Variants in PLEKHA6 observed in about 807,000 individuals in gnomAD.
PLEKHA6 encodes the protein pleckstrin homology domain containing A6, also known as pleckstrin homology domain-containing family A member 6.
In PLEKHA6, 60 loss-of-function variants were observed where a neutral mutation model predicts 116.7. The ratio of observed to expected loss-of-function variants is 0.51; its 90% CI spans 0.42 to 0.64. The LOEUF is 0.64. PLEKHA6 is among the 30% of genes least tolerant of loss of function. The pLI, the probability that PLEKHA6 is intolerant of heterozygous loss-of-function variation, is 0.00. For missense variants in PLEKHA6, 1,338 were observed against 1,422.7 expected, an observed-to-expected ratio of 0.94 and a Z score of 0.96; for synonymous variants, 489 against 556.1, an observed-to-expected ratio of 0.88 and a Z score of 1.70.
At chr1:204,242,080 T>C (rs114907664) in intron 15 of PLEKHA6, among the ~76,000 whole-genome samples, 2,747 of 152,278 alleles carry the variant, frequency 0.018, 89 homozygotes, top group African/African-American at 0.063. Flanking sequence ...ACCATTTGTC[T>C]TGGCTGGCAC....
chr1:204,280,667 C>T (rs936783433), intron 1 of PLEKHA6, among the ~76,000 whole-genome samples: 5 of 152,120 alleles, frequency 3.3e-5, no homozygotes, highest in South Asian at 2.1e-4. Context: ...AATTCCAAGC[C>T]GAGACTGTCC....
intron 1 of PLEKHA6, among the ~76,000 whole-genome samples, chr1:204,332,620 T>G (rs760553284): frequency 6.6e-6 from 1 of 152,186 alleles, no homozygotes; most frequent in Non-Finnish European, 1.5e-5. Context: ...GACCTCGTGA[T>G]CCACCCACTT....
chr1:204,229,144 A>G, intron 18 of PLEKHA6, 40 bp from the exon 19 acceptor site: 3 of 1,596,102 alleles, frequency 1.9e-6, no homozygotes, highest in Non-Finnish European at 2.6e-6. Context: ...ATGGCTACCC[A>G]TGCCTCCAGG....
intron 1 of PLEKHA6, among the ~76,000 whole-genome samples, chr1:204,352,839 G>T (rs989569708): frequency 6.6e-6 from 1 of 151,984 alleles, no homozygotes; most frequent in African/African-American, 2.4e-5. Flanking sequence ...AAAATAATCA[G>T]CCAGGTGTGG....
At chr1:204,370,993 G>T (rs992425377) in intron 2 of PLEKHA6, among the ~76,000 whole-genome samples, 1 of 149,222 alleles carries the variant, frequency 6.7e-6, no homozygotes, top group Non-Finnish European at 1.5e-5. Flanking sequence ...GGCAGAGGTT[G>T]CAGTGAGCCG....
At chr1:204,251,593 G>C (rs777801777) in intron 9 of PLEKHA6, 2 of 702,920 alleles carry the variant, frequency 2.8e-6, no homozygotes, top group Middle Eastern at 2.3e-4. Flanking sequence ...ATACTGATGA[G>C]AGTCTCGCTC....
chr1:204,267,259 G>T (rs1318779109), intron 5 of PLEKHA6, among the ~76,000 whole-genome samples: 1 of 152,208 alleles, frequency 6.6e-6, no homozygotes, highest in Non-Finnish European at 1.5e-5. Context: ...AACCTAGCAA[G>T]CATTGTTGAA....
At chr1:204,373,506 A>G (rs950092145) in intron 1 of PLEKHA6, among the ~76,000 whole-genome samples, 1 of 152,146 alleles carries the variant, frequency 6.6e-6, no homozygotes, top group Non-Finnish European at 1.5e-5. Flanking sequence ...AGTGTGAACC[A>G]CAGCACCCAG....
At chr1:204,265,095 G>T in intron 5 of PLEKHA6, 53 bp from the exon 6 acceptor site, 2 of 1,232,334 alleles carry the variant, frequency 1.6e-6, no homozygotes, top group African/African-American at 1.5e-5. Flanking sequence ...GCAAGCGTGT[G>T]CGTGCGCCAG....
At chr1:204,321,003 G>C (rs1190413650) in intron 1 of PLEKHA6, among the ~76,000 whole-genome samples, 1 of 152,102 alleles carries the variant, frequency 6.6e-6, no homozygotes, top group African/African-American at 2.4e-5. Context: ...GCCAAAGAAG[G>C]GGGCAGATGA....
chr1:204,301,300 A>G (rs1204367002), intron 1 of PLEKHA6: 50 of 959,738 alleles, frequency 5.2e-5, no homozygotes, highest in Non-Finnish European at 6.1e-5. Context: ...CAGTCTGGAG[A>G]GTCTCTGGGT....
intron 1 of PLEKHA6, among the ~76,000 whole-genome samples, chr1:204,288,307 T>C (rs1669403082): frequency 6.6e-6 from 1 of 152,210 alleles, no homozygotes; most frequent in Non-Finnish European, 1.5e-5. Context: ...GCCCTGTCCC[T>C]TCTACTCTGC....
chr1:204,263,294 C>T (rs1018144592), intron 6 of PLEKHA6, among the ~76,000 whole-genome samples: 7 of 152,194 alleles, frequency 4.6e-5, no homozygotes, highest in East Asian at 1.9e-4. Flanking sequence ...GCTGTCCCAG[C>T]GGGGCAAAGC....
chr1:204,346,895 T>C (rs775110462), intron 1 of PLEKHA6: 404 of 1,308,094 alleles, frequency 3.1e-4, no homozygotes, highest in Non-Finnish European at 4.2e-4. Context: ...CAGGTAACTT[T>C]CTCTTTGGCT....
At chr1:204,246,391 A>G (rs1191153937) in intron 13 of PLEKHA6, among the ~76,000 whole-genome samples, 1 of 152,128 alleles carries the variant, frequency 6.6e-6, no homozygotes, top group Non-Finnish European at 1.5e-5. Context: ...GTCTATTTGG[A>G]CCCGAAGTTA....
chr1:204,334,799 T>C (rs115439696), intron 1 of PLEKHA6, among the ~76,000 whole-genome samples: 2,528 of 152,138 alleles, frequency 0.017, 70 homozygotes, highest in African/African-American at 0.057. Context: ...CTTGGGAAGA[T>C]AAGGCACAAG....
At position 204,221,924 on chromosome 1, in the gene PLEKHA6, C is replaced by T. The variant is rs1050224532; in HGVS notation, c.*864G>A. 1 of 152,484 alleles carries T rather than the reference C, an allele frequency of 6.6e-6. No homozygotes were observed. The highest frequency in any genetic ancestry group is 6.5e-5 in the Admixed American group (1 of 15,280). The allele number at this position is 152,484 out of a possible 1,614,324, so 9.4% of individuals were successfully genotyped here. A position where few individuals can be genotyped will look rare whatever the true frequency, so the allele number is the denominator to read the frequency against. ...CACTGGGCACTAACCTAAGGCTCCA[C>T]CGGGGGAAACCAATCTGATATCCCC... On this transcript the variant is annotated 3_prime_UTR_variant, in exon 23 of 23. Transcript: ENST00000272203.
rs537444400 is a variant in PLEKHA6 at position 204,228,250 on chromosome 1, G to A, written c.2886-22C>T. 1.3e-6 allele frequency: 2 copies of A among 1,571,528 alleles called. No individual in the cohort carries two copies. The highest frequency in any genetic ancestry group is 4.5e-5 in the East Asian group (2 of 44,096). On this transcript the variant is annotated intron_variant, in intron 20 of 22. Transcript: ENST00000272203. The surrounding 1 kb of genome is among the most constrained non-coding windows in gnomAD (Gnocchi z 4.0). ...CATACTGAAGAGGCACAGACACACAGAAATGGAGGGAGGGACAGGATGGTC... is the reference window on the plus strand; with the variant it reads ...CATACTGAAGAGGCACAGACACACAAAAATGGAGGGAGGGACAGGATGGTC...
At chr1:204,306,954 C>T (rs1011818614) in intron 1 of PLEKHA6, among the ~76,000 whole-genome samples, 1 of 152,188 alleles carries the variant, frequency 6.6e-6, no homozygotes, top group Non-Finnish European at 1.5e-5. Flanking sequence ...CTGCAGCCCC[C>T]TACCCCCAAG....
Sources: gnomAD v4.1 joint callset for allele counts (sites outside exome capture counted in the v4.1 genomes callset) on GRCh38, gnomAD v4.1.1 for gene constraint, Gnocchi (gnomAD v3.1) non-coding constraint, MANE v1.5 for transcripts, NCBI Gene and HGNC (gene_info 2026-07-23, HGNC 2026-07-21) for gene names.